Variants in RASA1 observed in about 807,000 individuals in gnomAD.
RASA1 encodes RAS p21 protein activator 1, also known as ras GTPase-activating protein 1.
Under a neutral mutation model 132.2 loss-of-function variants are expected in RASA1, and 25 were observed. The observed-to-expected ratio is 0.19, with a 90% confidence interval of 0.14 to 0.26. The LOEUF (loss-of-function observed/expected upper bound fraction) is 0.26, where lower values mean the gene tolerates loss of function less well. RASA1 is among the 10% of genes least tolerant of loss of function. The probability of loss-of-function intolerance (pLI) is 1.00; values close to 1 mark genes in which losing one functional copy is unlikely to be tolerated. For missense variants in RASA1, 964 were observed against 1,299.2 expected, an observed-to-expected ratio of 0.74 and a Z score of 3.97; for synonymous variants, 477 against 449.9, an observed-to-expected ratio of 1.06 and a Z score of -0.76.
At chr5:87,325,291 C>G (rs2112348887) in intron 1 of RASA1, among the ~76,000 whole-genome samples, 2 of 152,272 alleles carry the variant, frequency 1.3e-5, no homozygotes, top group South Asian at 4.1e-4. Context: ...GTCCCACCCA[C>G]AACATGTGGG....
intron 1 of RASA1, among the ~76,000 whole-genome samples, chr5:87,281,860 T>C (rs1269329270): frequency 6.6e-6 from 1 of 152,100 alleles, no homozygotes; most frequent in Non-Finnish European, 1.5e-5. Context: ...GGATTACAGG[T>C]GTGAGCCACC....
chr5:87,304,203 A>G (rs1755504163), intron 1 of RASA1, among the ~76,000 whole-genome samples: 2 of 152,114 alleles, frequency 1.3e-5, no homozygotes, highest in African/African-American at 4.8e-5. Context: ...AGTGTGGTAA[A>G]GCATTTTGTA....
chr5:87,269,327 C>G, intron 1 of RASA1: 1 of 1,532,716 alleles, frequency 6.5e-7, no homozygotes, highest in Non-Finnish European at 8.7e-7. Context: ...GCTACCAAGG[C>G]AGTCATAGTG....
At chr5:87,376,055 G>T (rs1315250917) in intron 15 of RASA1, among the ~76,000 whole-genome samples, 1 of 152,082 alleles carries the variant, frequency 6.6e-6, no homozygotes, top group Non-Finnish European at 1.5e-5. Context: ...GGCTGAATTA[G>T]ATATTATTTC....
At chr5:87,305,632 A>G (rs1261156338) in intron 1 of RASA1, among the ~76,000 whole-genome samples, 1 of 152,224 alleles carries the variant, frequency 6.6e-6, no homozygotes, top group Non-Finnish European at 1.5e-5. Context: ...AAAATTGGCA[A>G]ATGGGATCCA....
chr5:87,294,584 T>C (rs1755041175), intron 1 of RASA1: 1 of 152,250 alleles, frequency 6.6e-6, no homozygotes, highest in Non-Finnish European at 1.5e-5. Flanking sequence ...TGTATTTTCA[T>C]TTTAATTTAA....
chr5:87,330,054 C>G (rs1461602785), intron 1 of RASA1, among the ~76,000 whole-genome samples: 2 of 152,058 alleles, frequency 1.3e-5, no homozygotes, highest in African/African-American at 4.8e-5. Context: ...TCCTCTAGTA[C>G]TAACAGGTTA....
intron 9 of RASA1, among the ~76,000 whole-genome samples, chr5:87,362,058 T>C (rs1760142779): frequency 6.6e-6 from 1 of 152,140 alleles, no homozygotes; most frequent in South Asian, 2.1e-4. Flanking sequence ...AGGGAACTGT[T>C]AGGTATTTGA....
rs988859224 is a variant in RASA1 at position 87,350,719 on chromosome 5, TA to T, written c.1253+1366del. Among the ~76,000 whole-genome samples, 319 of 145,794 alleles carry T rather than the reference TA, an allele frequency of 2.2e-3. 1 individual carries two copies. The highest frequency in any genetic ancestry group is 6.4e-3 in the African/African-American group (256 of 40,166). ...AATATTATGTTTTCAAAATGAGGAT[TA>T]AAAAAAAAAAGTTAAATGTATGTTA... On this transcript the variant is annotated intron_variant, in intron 8 of 24. Transcript: ENST00000274376.
intron 6 of RASA1, among the ~76,000 whole-genome samples, chr5:87,342,048 T>C (rs1386938180): frequency 6.6e-6 from 1 of 152,196 alleles, no homozygotes; most frequent in Non-Finnish European, 1.5e-5. Context: ...TTTTATTGTT[T>C]CTTGTAGCTA....
intron 9 of RASA1, among the ~76,000 whole-genome samples, chr5:87,357,796 G>A (rs1182413773): frequency 6.6e-6 from 1 of 152,194 alleles, no homozygotes. Flanking sequence ...GATATGTAAT[G>A]TGCCTTGCTC....
chr5:87,360,352 G>T (rs548301549), intron 9 of RASA1, among the ~76,000 whole-genome samples: 87 of 152,148 alleles, frequency 5.7e-4, no homozygotes, highest in African/African-American at 1.9e-3. Context: ...GCGAACTCCT[G>T]ACTTCAGATG....
intron 18 of RASA1, 120 bp downstream of exon 18, chr5:87,378,658 A>G (rs1761489431): frequency 9.8e-7 from 1 of 1,024,184 alleles, no homozygotes; most frequent in African/African-American, 1.6e-5. Flanking sequence ...TCCTCATAGC[A>G]GTTACACCTG....
At chr5:87,303,919 C>A (rs1349030260) in intron 1 of RASA1, among the ~76,000 whole-genome samples, 1 of 150,518 alleles carries the variant, frequency 6.6e-6, no homozygotes, top group Non-Finnish European at 1.5e-5. Context: ...CTGCAAACTG[C>A]ACCTCCTGGG....
At chr5:87,374,598 T>G (rs933378735) in intron 14 of RASA1, among the ~76,000 whole-genome samples, 4 of 151,740 alleles carry the variant, frequency 2.6e-5, no homozygotes, top group African/African-American at 9.7e-5. Flanking sequence ...TTTACTAGGG[T>G]TTCCAGTACT....
At chr5:87,299,983 C>G (rs190704186) in intron 1 of RASA1, among the ~76,000 whole-genome samples, 1 of 152,220 alleles carries the variant, frequency 6.6e-6, no homozygotes, top group Admixed American at 6.5e-5. Flanking sequence ...ATACTATTTT[C>G]TTATAATTTT....
chr5:87,356,695 A>G (rs537502787), intron 9 of RASA1, among the ~76,000 whole-genome samples: 1 of 152,308 alleles, frequency 6.6e-6, no homozygotes, highest in East Asian at 1.9e-4. Context: ...GTAATAAAAT[A>G]TTTTTAAATT....
At position 87,269,010 on chromosome 5, in the gene RASA1, C is replaced by T. The variant is rs1753701358; in HGVS notation, c.539+20C>T. 6 of 1,614,192 alleles carry T rather than the reference C, an allele frequency of 3.7e-6. No individual in the cohort carries two copies. Among genetic ancestry groups the T allele is most frequent in the South Asian group, 1.1e-5 (1 of 91,088 alleles). On this transcript the variant is annotated intron_variant, in intron 1 of 24. Transcript: ENST00000274376. ...TAACCAGTAAGTTAAGACTGCTGTTCAGGAATTTGGGAAGCTGGCTCCAGA... is the reference window on the plus strand; with the variant it reads ...TAACCAGTAAGTTAAGACTGCTGTTTAGGAATTTGGGAAGCTGGCTCCAGA...
At chr5:87,293,906 A>T (rs1755009703) in intron 1 of RASA1, among the ~76,000 whole-genome samples, 1 of 152,108 alleles carries the variant, frequency 6.6e-6, no homozygotes, top group Non-Finnish European at 1.5e-5. Context: ...TGGGGTCAGT[A>T]GCGATTAGTA....
Sources: gnomAD v4.1 joint callset for allele counts (sites outside exome capture counted in the v4.1 genomes callset) on GRCh38, gnomAD v4.1.1 for gene constraint, MANE v1.5 for transcripts, NCBI Gene and HGNC (gene_info 2026-07-23, HGNC 2026-07-21) for gene names.